Variants in GIMAP8 observed in about 807,000 individuals in gnomAD.
GIMAP8 encodes the protein GTPase, IMAP family member 8.
A neutral mutation model predicts 35.6 loss-of-function variants in GIMAP8; 29 were observed. The observed-to-expected ratio is 0.81, with a 90% CI of 0.61 to 1.11. GIMAP8 has a LOEUF of 1.11. GIMAP8 is among the 50% of genes most tolerant of loss of function. GIMAP8 has a pLI of 0.00. For synonymous variants in GIMAP8, 335 were observed against 308.7 expected, an observed-to-expected ratio of 1.09 and a Z score of -0.89; for missense variants, 811 against 805.0, an observed-to-expected ratio of 1.01 and a Z score of -0.09.
intron 3 of GIMAP8, 27 bp downstream of exon 3, chr7:150,470,901 G>A (rs1294776794): frequency 1.3e-6 from 2 of 1,506,358 alleles, no homozygotes; most frequent in Non-Finnish European, 1.8e-6. Flanking sequence ...GAAACATTAA[G>A]CTCACACTTG....
intron 1 of GIMAP8, among the ~76,000 whole-genome samples, chr7:150,453,895 C>A (rs1318902271): frequency 5.3e-5 from 8 of 151,498 alleles, no homozygotes; most frequent in African/African-American, 1.9e-4. Context: ...GAGGGGTGGA[C>A]AGCTCTTAGG....
At chr7:150,452,955 T>C (rs980085075) in intron 1 of GIMAP8, among the ~76,000 whole-genome samples, 7 of 151,526 alleles carry the variant, frequency 4.6e-5, no homozygotes, top group Non-Finnish European at 1.0e-4. Context: ...TGATCGTTCA[T>C]TCCTTTACCT....
chr7:150,477,972 T>C lies in GIMAP8; in HGVS notation c.*192T>C. 3.5e-6 allele frequency: 2 copies of C among 578,820 alleles called. No homozygotes were observed. The highest frequency in any genetic ancestry group is 4.7e-5 in the South Asian group (2 of 42,922). 35.9% of individuals were successfully genotyped at this position (578,820 alleles called of 1,614,324 possible). A position where few individuals can be genotyped will look rare whatever the true frequency, so the allele number is the denominator to read the frequency against. On this transcript the variant is annotated 3_prime_UTR_variant, in exon 5 of 5. Coordinates refer to ENST00000307271, the MANE Select transcript of GIMAP8 (RefSeq NM_175571.4). ...TTGCAGGTGGGGGCGAATAGTAGGG[T>C]ATTATAAAGGAGAAAGAAGATACAA... is the stretch of plus-strand genomic sequence containing the variant.
In GIMAP8 at chr7:150,463,912, A is replaced by G. The variant is rs367933345; in HGVS notation, c.-28-2759A>G. On this transcript the variant is annotated intron_variant, in intron 1 of 4. Transcript: ENST00000307271. ...GCCAGTCTTTGGGCCCCTGGATGAT[A>G]TATGTAGCATTGGCAGTGCCAGTAG... Among the ~76,000 whole-genome samples, 3 of 152,204 alleles carry G rather than the reference A, an allele frequency of 2.0e-5. 1 individual carries two copies.
rs534628201 is a variant in GIMAP8, at chr7:150,475,158, T to A, written c.1309+520T>A. 8.5e-5 allele frequency among the ~76,000 whole-genome samples: 13 copies of A among 152,346 alleles called. No individual in the cohort carries two copies. In the South Asian group the frequency reaches 1.0e-3, roughly 12 times the overall value. On this transcript the variant is annotated intron_variant, in intron 4 of 4. Transcript: ENST00000307271. ...GACAGGTCTCCTGTTCCTGTGTTAG[T>A]CTGCTTAGGATGGCAGCCTCCAGCT...
At chr7:150,459,532 G>A (rs373795433) in intron 1 of GIMAP8, among the ~76,000 whole-genome samples, 14 of 152,120 alleles carry the variant, frequency 9.2e-5, no homozygotes, top group African/African-American at 3.4e-4. Context: ...CATGAATCTT[G>A]GCTATGGGAG....
At chr7:150,466,572 G>GA in intron 1 of GIMAP8, 99 bp from the exon 2 acceptor site, 2 of 1,018,822 alleles carry the variant, frequency 2.0e-6, no homozygotes, top group Non-Finnish European at 2.8e-6. Flanking sequence ...AAATTCATTG[G>GA]CGGCAATTTG....
At chr7:150,455,163 A>C (rs1304043366) in intron 1 of GIMAP8, among the ~76,000 whole-genome samples, 2 of 151,602 alleles carry the variant, frequency 1.3e-5, no homozygotes, top group South Asian at 4.1e-4. Context: ...AAACCAAAAA[A>C]CAAAAAACTG....
rs554240216 is a variant in GIMAP8, at chr7:150,451,574, G to A, written c.-29+399G>A. ...GGGAGTGGGTGTGAGCCCTGAAGAG[G>A]AGGAGGGCTGAGACTGGCAGAAGGG... On this transcript the variant is annotated intron_variant, in intron 1 of 4. Transcript: ENST00000307271. This position sits in a 1 kb window ranked among gnomAD's most constrained non-coding sequence, Gnocchi z 4.1. Among the ~76,000 whole-genome samples the A allele has an allele frequency of 3.4e-4, 51 of 152,226 alleles. No individual in the cohort carries two copies. The highest frequency in any genetic ancestry group is 1.1e-3 in the African/African-American group (46 of 41,538).
chr7:150,459,630 G>A (rs192034076), intron 1 of GIMAP8, among the ~76,000 whole-genome samples: 10 of 152,326 alleles, frequency 6.6e-5, no homozygotes, highest in Middle Eastern at 3.4e-3. Context: ...GTATTGTCAC[G>A]TAGCTGGTGC....
intron 2 of GIMAP8, among the ~76,000 whole-genome samples, chr7:150,469,824 C>G (rs1045913868): frequency 2.0e-5 from 3 of 152,128 alleles, no homozygotes; most frequent in African/African-American, 7.2e-5. Flanking sequence ...AAGATGGTTG[C>G]ATCAGTTACG....
At chr7:150,456,866 T>C (rs138594196) in intron 1 of GIMAP8, among the ~76,000 whole-genome samples, 95 of 152,368 alleles carry the variant, frequency 6.2e-4, no homozygotes, top group African/African-American at 2.1e-3. Context: ...TTCTAAATTG[T>C]GTAAGAAATA....
At chr7:150,453,753 A>G (rs1054365427) in intron 1 of GIMAP8, among the ~76,000 whole-genome samples, 1 of 152,068 alleles carries the variant, frequency 6.6e-6, no homozygotes, top group Non-Finnish European at 1.5e-5. Flanking sequence ...AAAAGCACTA[A>G]GCAACTAAAT....
intron 4 of GIMAP8, among the ~76,000 whole-genome samples, chr7:150,475,965 G>T (rs577653415): frequency 3.3e-5 from 5 of 152,312 alleles, no homozygotes; most frequent in Admixed American, 2.0e-4. Flanking sequence ...CAAGAACATT[G>T]AAGATTAAGG....
chr7:150,477,169 G>A lies in GIMAP8; in HGVS notation c.1387G>A (p.Val463Ile), dbSNP rs751098205. The A allele has an allele frequency of 4.3e-5, 70 of 1,614,078 alleles. No individual in the cohort carries two copies. The East Asian group carries it at 6.0e-4, about 14-fold the overall frequency. Residue 463 changes from valine to isoleucine, a missense_variant, in exon 5 of 5, where the codon GTC becomes ATC. Val to Ile is a conservative substitution (Grantham distance 29). Coordinates refer to ENST00000307271, the MANE Select transcript of GIMAP8 (RefSeq NM_175571.4). The stretch of plus-strand genomic sequence containing the variant: ...CGGGAACTCTATCCTGGGGAGCCTC[G>A]TCTTCACCTCTCGGCTCCGGGCCCA... ...ATGNSILGSLVFTSRLRAQPV... is the reference protein window; with the variant it reads ...ATGNSILGSLIFTSRLRAQPV...
chr7:150,463,995 G>T (rs1200049430), intron 1 of GIMAP8, among the ~76,000 whole-genome samples: 1 of 152,236 alleles, frequency 6.6e-6, no homozygotes, highest in Non-Finnish European at 1.5e-5. Flanking sequence ...GGTGGTGGCA[G>T]TAGTGGGCTG....
chr7:150,454,908 G>A (rs1446146278), intron 1 of GIMAP8, among the ~76,000 whole-genome samples: 1 of 152,154 alleles, frequency 6.6e-6, no homozygotes, highest in African/African-American at 2.4e-5. Flanking sequence ...GGAGGCTGAG[G>A]CGGGTGGATC....
At chr7:150,456,718 T>C (rs2116587967) in intron 1 of GIMAP8, among the ~76,000 whole-genome samples, 1 of 152,364 alleles carries the variant, frequency 6.6e-6, no homozygotes, top group East Asian at 1.9e-4. Flanking sequence ...CCAGCATTTA[T>C]AGTGGGCGAT....
chr7:150,464,286 GCATATTTTCC>G (rs1478999665), intron 1 of GIMAP8, among the ~76,000 whole-genome samples: 22 of 152,066 alleles, frequency 1.4e-4, no homozygotes, highest in African/African-American at 5.3e-4. Flanking sequence ...TCATCATTTT[GCATATTTTCC>G]CACTTATTTT....
Sources: gnomAD v4.1 joint callset for allele counts (sites outside exome capture counted in the v4.1 genomes callset) on GRCh38, gnomAD v4.1.1 for gene constraint, Gnocchi (gnomAD v3.1) non-coding constraint, MANE v1.5 for transcripts, NCBI Gene and HGNC (gene_info 2026-07-23, HGNC 2026-07-21) for gene names.